The following DMTN variants were observed in gnomAD, a reference collection of about 807,000 sequenced individuals.
DMTN encodes the protein dematin.
Under a neutral mutation model 59.4 loss-of-function variants are expected in DMTN, and 27 were observed. That is an observed-to-expected ratio of 0.45 (90% CI 0.33 to 0.63). DMTN has a LOEUF of 0.63. DMTN is among the 20% of genes least tolerant of loss of function. DMTN has a pLI of 0.02. For missense variants in DMTN, 451 were observed against 528.9 expected, an observed-to-expected ratio of 0.85 and a Z score of 1.45; for synonymous variants, 221 against 203.7, an observed-to-expected ratio of 1.08 and a Z score of -0.72.
chr8:22,079,255 A>AAATAAAT (rs1355039436), intron 10 of DMTN, among the ~76,000 whole-genome samples: 1,095 of 83,386 alleles, frequency 0.013, 102 homozygotes, highest in East Asian at 0.021. Context: ...ACAAAAAATA[A>AAATAAAT]AAATAAATAA....
intron 4 of DMTN, among the ~76,000 whole-genome samples, chr8:22,068,162 G>T (rs774729290): frequency 1.3e-5 from 2 of 152,166 alleles, no homozygotes; most frequent in Admixed American, 1.3e-4. Context: ...GTGACAGGGG[G>T]CTAGATCATG....
At chr8:22,075,380 G>A (rs1818964169) in intron 10 of DMTN, among the ~76,000 whole-genome samples, 1 of 150,814 alleles carries the variant, frequency 6.6e-6, no homozygotes, top group African/African-American at 2.4e-5. Context: ...GCAGGGTCTT[G>A]CTCTGTTGCC....
chr8:22,071,543 C>T (rs1341265014), intron 8 of DMTN, among the ~76,000 whole-genome samples: 1 of 151,834 alleles, frequency 6.6e-6, no homozygotes, highest in Non-Finnish European at 1.5e-5. Context: ...TACAGGTGCC[C>T]ACCACCACAC....
At chr8:22,055,235 C>A (rs1002388921), upstream of DMTN, among the ~76,000 whole-genome samples, 1 of 152,074 alleles carries the variant, frequency 6.6e-6, no homozygotes, top group Non-Finnish European at 1.5e-5. Context: ...CAGAAGACAG[C>A]TCTCCTGGGG....
At chr8:22,080,772 C>A in intron 13 of DMTN, 33 bp from the exon 14 acceptor site, 1 of 1,602,658 alleles carries the variant, frequency 6.2e-7, no homozygotes, top group Non-Finnish European at 8.5e-7. Context: ...CTCCCTGCCC[C>A]GCTCTGGCTC....
intron 10 of DMTN, among the ~76,000 whole-genome samples, chr8:22,079,837 G>A (rs1287198307): frequency 2.0e-5 from 3 of 151,878 alleles, no homozygotes; most frequent in East Asian, 1.9e-4. Context: ...ATTGTGATTC[G>A]ATTTTAGTTT....
upstream of DMTN, chr8:22,053,851 C>T (rs1044132426): frequency 8.5e-5 from 13 of 152,294 alleles, no homozygotes; most frequent in South Asian, 2.1e-4. Flanking sequence ...GAAGCCCACC[C>T]GCCTGGGGCC....
rs114532769 is a variant in DMTN, at chr8:22,061,337, C to T, written c.-172+4201C>T. 1.1e-3 allele frequency among the ~76,000 whole-genome samples: 166 copies of T among 151,920 alleles called. 1 individual carries two copies. The highest frequency in any genetic ancestry group is 3.9e-3 in the African/African-American group (162 of 41,406). ...GAAAGAAAAAATGTGAACTGCCCAG[C>T]ACAGTGCCAGCTGTAACACAGACGT... On this transcript the variant is annotated intron_variant, in intron 1 of 15. Transcript: ENST00000358242.
intron 9 of DMTN, 100 bp from the exon 10 acceptor site, chr8:22,073,630 C>A (rs1252157491): frequency 3.9e-6 from 2 of 515,340 alleles, no homozygotes; most frequent in Admixed American, 4.3e-5. Context: ...GACCCTGTCT[C>A]AAAAAAAAAA....
At chr8:22,066,384 G>T in intron 1 of DMTN, 1 of 152,880 alleles carries the variant, frequency 6.5e-6, no homozygotes, top group South Asian at 1.9e-4. Context: ...TGGGACCAGC[G>T]GCCGGGAGGG....
At chr8:22,051,695 C>T (rs542871803), upstream of DMTN, among the ~76,000 whole-genome samples, 2 of 152,166 alleles carry the variant, frequency 1.3e-5, no homozygotes, top group Non-Finnish European at 2.9e-5. Context: ...CGCCTCCTTG[C>T]GCGTGACTGC....
At chr8:22,073,955 T>C (rs550174362) in intron 10 of DMTN, 120 bp downstream of exon 10, 2 of 728,468 alleles carry the variant, frequency 2.7e-6, no homozygotes, top group East Asian at 2.6e-5. Context: ...GGCTGCTCTC[T>C]TGGGAGCAAG....
In DMTN at chr8:22,058,358, G is replaced by C. The variant is rs1803910427; in HGVS notation, c.-172+1222G>C. 6.6e-6 allele frequency among the ~76,000 whole-genome samples: 1 copy of C among 152,198 alleles called. No individual in the cohort carries two copies. The highest frequency in any genetic ancestry group is 2.1e-4 in the South Asian group (1 of 4,826). On this transcript the variant is annotated intron_variant, in intron 1 of 15. Coordinates refer to ENST00000358242, the MANE Select transcript of DMTN (RefSeq NM_001387751.1). This position sits in a 1 kb window ranked among gnomAD's most constrained non-coding sequence, Gnocchi z 4.3. ...GCCCTGGGATCCAGAAAGCTGAATTGAGGCTGCATCTCCCCCAGCTCTGCC... is the reference window on the plus strand; with the variant it reads ...GCCCTGGGATCCAGAAAGCTGAATTCAGGCTGCATCTCCCCCAGCTCTGCC...
chr8:22,073,877 T>C (rs2131274831), intron 10 of DMTN, 42 bp downstream of exon 10: 1 of 1,533,070 alleles, frequency 6.5e-7, no homozygotes, highest in South Asian at 1.1e-5. Context: ...TGGCCAGAGA[T>C]GGAGGCCTGA....
chr8:22,078,965 T>G (rs1229509657), intron 10 of DMTN, among the ~76,000 whole-genome samples: 2 of 151,370 alleles, frequency 1.3e-5, no homozygotes, highest in Non-Finnish European at 2.9e-5. Context: ...CCCGGCTAAT[T>G]TGTTTTGTAT....
rs879009361 is a variant in DMTN at position 22,072,465 on chromosome 8, C to T, written c.729+15C>T. 4 of 1,540,232 alleles carry T rather than the reference C, an allele frequency of 2.6e-6. No individual in the cohort carries two copies. Among genetic ancestry groups the T allele is most frequent in the Non-Finnish European group, 2.6e-6 (3 of 1,138,796 alleles). On this transcript the variant is annotated intron_variant, in intron 9 of 15. Coordinates refer to ENST00000358242, the MANE Select transcript of DMTN (RefSeq NM_001387751.1). ...AACTCAGTAAGGTAGCATCTCACCA[C>T]CCCCACCCTCCACCCCTGTGCAGGA... is the stretch of plus-strand genomic sequence containing the variant.
intron 5 of DMTN, 117 bp downstream of exon 5, chr8:22,069,177 C>T (rs1175124767): frequency 1.9e-5 from 24 of 1,242,604 alleles, no homozygotes; most frequent in Non-Finnish European, 2.6e-5. Flanking sequence ...GAATCAGCGG[C>T]CCCCTGGCTG....
rs1359750316 is a variant in DMTN, at chr8:22,057,137, G to A, written c.-172+1G>A. On this transcript the variant is annotated splice_donor_variant, in intron 1 of 15. Transcript: ENST00000358242. LOFTEE classifies it low-confidence loss of function (5UTR_SPLICE). ...TCTGGGCCACACTGTCTGGGAAGAG[G>A]TAGGTGGCAGGGTCTCCGCCTCTCC... 1 of 152,328 alleles carries A rather than the reference G, an allele frequency of 6.6e-6. No individual in the cohort carries two copies. Among genetic ancestry groups the A allele is most frequent in the Non-Finnish European group, 1.5e-5 (1 of 68,116 alleles). The allele number at this position is 152,328 out of a possible 1,614,324, so 9.4% of individuals were successfully genotyped here.
intron 10 of DMTN, among the ~76,000 whole-genome samples, chr8:22,078,796 C>CTTTTTTT (rs1563533987): frequency 3.5e-4 from 6 of 17,306 alleles, no homozygotes; most frequent in Admixed American, 1.2e-3. Flanking sequence ...TAATGTCAGA[C>CTTTTTTT]TGTTTTTTTT....
Sources: gnomAD v4.1 joint callset for allele counts (sites outside exome capture counted in the v4.1 genomes callset) on GRCh38, gnomAD v4.1.1 for gene constraint, Gnocchi (gnomAD v3.1) non-coding constraint, MANE v1.5 for transcripts, NCBI Gene and HGNC (gene_info 2026-07-23, HGNC 2026-07-21) for gene names.